The following LURAP1L variants were observed in gnomAD, a reference collection of about 807,000 sequenced individuals.
The protein encoded by LURAP1L is leucine rich adaptor protein 1-like.
LURAP1L carries 12 observed loss-of-function variants against 13.8 expected under a neutral mutation model. That is an observed-to-expected ratio of 0.87 (90% CI 0.56 to 1.41). LURAP1L has a LOEUF of 1.41. Among genes scored for constraint, LURAP1L ranks in the 40% most tolerant of loss-of-function variants. The pLI, the probability that LURAP1L is intolerant of heterozygous loss-of-function variation, is 0.00. For missense variants in LURAP1L, 375 were observed against 292.9 expected (o/e 1.28, Z -2.04); for synonymous variants, 139 against 119.2 (o/e 1.17, Z -1.08).
At position 12,821,718 on chromosome 9, in the gene LURAP1L, CA is replaced by C; in HGVS notation, c.647del (p.Lys216SerfsTer25). ...SLIEDSQALH[K>X]RPKLDSEYYC... is the part of the protein sequence containing the mutation. ...TCATAGAGGACTCACAGGCACTACA[CA>C]AGCGTCCTAAATTGGATTCTGAATA... On this transcript the variant is annotated frameshift_variant, in exon 2 of 2. Coordinates refer to ENST00000319264, the MANE Select transcript of LURAP1L (RefSeq NM_203403.2). LOFTEE classifies it high-confidence loss of function. 6.2e-7 allele frequency: 1 copy of C among 1,614,150 alleles called. No homozygotes were observed. The highest frequency in any genetic ancestry group is 8.5e-7 in the Non-Finnish European group (1 of 1,180,004).
At chr9:12,788,584 G>A (rs1819395844) in intron 1 of LURAP1L, among the ~76,000 whole-genome samples, 1 of 151,976 alleles carries the variant, frequency 6.6e-6, no homozygotes, top group South Asian at 2.1e-4. Flanking sequence ...TGGCAAATAT[G>A]TTATTTATGT....
At chr9:12,779,016 CAAT>C (rs908865969) in intron 1 of LURAP1L, among the ~76,000 whole-genome samples, 6 of 152,148 alleles carry the variant, frequency 3.9e-5, no homozygotes, top group African/African-American at 1.4e-4. Flanking sequence ...AAGAGATTAA[CAAT>C]AATAACTAAC....
At chr9:12,804,396 G>A (rs1394632453) in intron 1 of LURAP1L, among the ~76,000 whole-genome samples, 1 of 149,870 alleles carries the variant, frequency 6.7e-6, no homozygotes, top group Non-Finnish European at 1.5e-5. Context: ...CCAGGCTGGA[G>A]TGCAGTGGCA....
In LURAP1L at chr9:12,818,825, T is replaced by C. The variant is rs942353774; in HGVS notation, c.313-2561T>C. On this transcript the variant is annotated intron_variant, in intron 1 of 1. Transcript: ENST00000319264. ...TGCAGCCGTGATTTATTTGGGTGGC[T>C]ATTGGGAAATGGTCAGATTGATATT... 2.6e-5 allele frequency among the ~76,000 whole-genome samples: 4 copies of C among 152,164 alleles called. No individual in the cohort carries two copies. In the South Asian group the frequency reaches 8.3e-4, roughly 32 times the overall value.
intron 1 of LURAP1L, among the ~76,000 whole-genome samples, chr9:12,800,495 T>C (rs754174720): frequency 6.6e-6 from 1 of 151,634 alleles, no homozygotes; most frequent in African/African-American, 2.4e-5. Context: ...GTCTTCATTA[T>C]ATCAGGAAGT....
intron 1 of LURAP1L, among the ~76,000 whole-genome samples, chr9:12,819,190 C>G (rs1300960933): frequency 6.6e-6 from 1 of 152,128 alleles, no homozygotes; most frequent in African/African-American, 2.4e-5. Context: ...AAGTAATTTT[C>G]TTTGTTACTT....
Position 12,775,435 on chromosome 9 carries a change from C to G in LURAP1L, c.-281C>G, listed in dbSNP as rs1364529126. 2.5e-6 allele frequency: 1 copy of G among 398,036 alleles called. No homozygotes were observed. The highest frequency in any genetic ancestry group is 4.4e-6 in the Non-Finnish European group (1 of 227,524). The allele number at this position is 398,036 out of a possible 1,614,324, so 24.7% of individuals were successfully genotyped here. A position where few individuals can be genotyped will look rare whatever the true frequency, so the allele number is the denominator to read the frequency against. On this transcript the variant is annotated 5_prime_UTR_variant, in exon 1 of 2. Coordinates refer to ENST00000319264, the MANE Select transcript of LURAP1L (RefSeq NM_203403.2). ...TGCAATATCAGTGAACTCAACTTTGCAGTGAGGTGGCCAAAAAGAGAGAGA... is the reference window on the plus strand; with the variant it reads ...TGCAATATCAGTGAACTCAACTTTGGAGTGAGGTGGCCAAAAAGAGAGAGA...
rs184549365 is a variant in LURAP1L, at chr9:12,812,231, G to C, written c.313-9155G>C. ...ACGTAAGGATGTAGATACCAGAAGA[G>C]GGTGGTTATTGGGAGATATCTTTGA... On this transcript the variant is annotated intron_variant, in intron 1 of 1. Coordinates refer to ENST00000319264, the MANE Select transcript of LURAP1L (RefSeq NM_203403.2). 2.1e-3 allele frequency among the ~76,000 whole-genome samples: 316 copies of C among 152,298 alleles called. 1 individual carries two copies. The highest frequency in any genetic ancestry group is 7.1e-3 in the African/African-American group (296 of 41,568).
intron 1 of LURAP1L, among the ~76,000 whole-genome samples, chr9:12,794,445 T>G (rs886122372): frequency 2.0e-5 from 3 of 152,058 alleles, no homozygotes; most frequent in Admixed American, 2.0e-4. Flanking sequence ...ATCCCCAATG[T>G]CCTTTTGTAA....
chr9:12,817,879 G>A lies in LURAP1L; in HGVS notation c.313-3507G>A, dbSNP rs117671835. Among the ~76,000 whole-genome samples, 93 of 152,292 alleles carry A rather than the reference G, an allele frequency of 6.1e-4. 2 individuals carry two copies. The East Asian group carries it at 0.017, about 28-fold the overall frequency. ...TGCACCTTGGTGCTTGGAGAAAGCA[G>A]AGTGCAGCAGCTGGGCCAGCCCAGG... On this transcript the variant is annotated intron_variant, in intron 1 of 1. Coordinates refer to ENST00000319264, the MANE Select transcript of LURAP1L (RefSeq NM_203403.2).
At chr9:12,808,770 G>C (rs749268084) in intron 1 of LURAP1L, among the ~76,000 whole-genome samples, 18 of 152,014 alleles carry the variant, frequency 1.2e-4, no homozygotes, top group Non-Finnish European at 2.2e-4. Context: ...CATTCATTTT[G>C]GGACATTCTC....
Position 12,821,915 on chromosome 9 carries a change from T to G in LURAP1L, c.*155T>G. The G allele has an allele frequency of 1.3e-6, 1 of 787,878 alleles. No individual in the cohort carries two copies. Among genetic ancestry groups the G allele is most frequent in the Admixed American group, 2.6e-5 (1 of 39,050 alleles). The allele number at this position is 787,878 out of a possible 1,614,324, so 48.8% of individuals were successfully genotyped here. ...TTAATGGTATTGCTGTTGCTCCTAATACTTCTCATCTGAGCTGATTTATTT... is the reference window on the plus strand; with the variant it reads ...TTAATGGTATTGCTGTTGCTCCTAAGACTTCTCATCTGAGCTGATTTATTT... On this transcript the variant is annotated 3_prime_UTR_variant, in exon 2 of 2. Transcript: ENST00000319264.
chr9:12,809,628 G>A (rs1370534896), intron 1 of LURAP1L, among the ~76,000 whole-genome samples: 1 of 152,200 alleles, frequency 6.6e-6, no homozygotes, highest in African/African-American at 2.4e-5. Flanking sequence ...GTCTGGTTCT[G>A]ATGCTTGCTT....
intron 1 of LURAP1L, among the ~76,000 whole-genome samples, chr9:12,786,544 TG>T (rs1476195489): frequency 4.7e-4 from 9 of 19,278 alleles, no homozygotes; most frequent in African/African-American, 2.2e-3. Flanking sequence ...TGTATATATA[TG>T]ACATATATAT....
At chr9:12,814,769 G>C (rs977148546) in intron 1 of LURAP1L, among the ~76,000 whole-genome samples, 1 of 152,184 alleles carries the variant, frequency 6.6e-6, no homozygotes, top group African/African-American at 2.4e-5. Flanking sequence ...TTTTATGTAT[G>C]TAATTTAGTC....
At chr9:12,805,070 C>T (rs1240274994) in intron 1 of LURAP1L, among the ~76,000 whole-genome samples, 3 of 151,806 alleles carry the variant, frequency 2.0e-5, no homozygotes, top group Non-Finnish European at 4.4e-5. Flanking sequence ...TTCGTAATGA[C>T]AAAACAAGGA....
At chr9:12,820,499 T>TC (rs747476601) in intron 1 of LURAP1L, among the ~76,000 whole-genome samples, 279 of 14,736 alleles carry the variant, frequency 0.019, 19 homozygotes, top group Non-Finnish European at 0.032. Flanking sequence ...CGAGACTCCG[T>TC]CCCCCCCCCC....
intron 1 of LURAP1L, among the ~76,000 whole-genome samples, chr9:12,817,216 CTT>C (rs3839899): frequency 6.6e-6 from 1 of 151,676 alleles, no homozygotes; most frequent in African/African-American, 2.4e-5. Flanking sequence ...CCCGAAGCTA[CTT>C]TTTTTTTCCC....
intron 1 of LURAP1L, among the ~76,000 whole-genome samples, chr9:12,787,788 T>C (rs1401139795): frequency 6.6e-6 from 1 of 152,036 alleles, no homozygotes; most frequent in South Asian, 2.1e-4. Flanking sequence ...CGTTCATAAT[T>C]TATGATGGAA....
Sources: gnomAD v4.1 joint callset for allele counts (sites outside exome capture counted in the v4.1 genomes callset) on GRCh38, gnomAD v4.1.1 for gene constraint, MANE v1.5 for transcripts, NCBI Gene and HGNC (gene_info 2026-07-23, HGNC 2026-07-21) for gene names.